The following SLCO3A1 variants were observed in gnomAD, a reference collection of about 807,000 sequenced individuals.
The protein encoded by SLCO3A1 is PGE1 transporter.
SLCO3A1 carries 27 observed loss-of-function variants against 63.1 expected under a neutral mutation model. That is an observed-to-expected ratio of 0.43 (90% CI 0.32 to 0.59). The LOEUF (loss-of-function observed/expected upper bound fraction) is 0.59. Ranked by LOEUF, SLCO3A1 falls within the 20% of genes least tolerant of loss-of-function variation. The probability of loss-of-function intolerance (pLI) is 0.09; values close to 1 mark genes in which losing one functional copy is unlikely to be tolerated. For synonymous variants in SLCO3A1, 473 were observed against 409.9 expected, an observed-to-expected ratio of 1.15 and a Z score of -1.86; for missense variants, 773 against 945.8, an observed-to-expected ratio of 0.82 and a Z score of 2.40.
intron 2 of SLCO3A1, among the ~76,000 whole-genome samples, chr15:91,936,506 C>A (rs1211781670): frequency 6.6e-6 from 1 of 152,192 alleles, no homozygotes; most frequent in Non-Finnish European, 1.5e-5. Context: ...TTATGGATAG[C>A]TCTGGCCTGG....
In SLCO3A1 at chr15:91,900,680, T is replaced by C. The variant is rs890147482; in HGVS notation, c.181-15313T>C. ...CTACTGGGTGGGTAGTGGTATCTCA[T>C]TGTGACATTTTATTTGCATTTCCCT... On this transcript the variant is annotated intron_variant, in intron 1 of 9. Coordinates refer to ENST00000318445, the MANE Select transcript of SLCO3A1 (RefSeq NM_013272.4). This position sits in a 1 kb window ranked among gnomAD's most constrained non-coding sequence, Gnocchi z 4.3. Among the ~76,000 whole-genome samples, 11 of 152,230 alleles carry C rather than the reference T, an allele frequency of 7.2e-5. No individual in the cohort carries two copies. Among genetic ancestry groups the C allele is most frequent in the African/African-American group, 1.2e-4 (5 of 41,456 alleles).
At position 91,854,200 on chromosome 15, in the gene SLCO3A1, C is replaced by G. The variant is rs962187029; in HGVS notation, c.180+112C>G. Reference sequence around the variant, plus strand: ...CGCTGGGGGCAGGCGGGCATGACCTCGGCCCGGCGTGGAGGTTGGCGAGTG... The same window carrying G: ...CGCTGGGGGCAGGCGGGCATGACCTGGGCCCGGCGTGGAGGTTGGCGAGTG... On this transcript the variant is annotated intron_variant, in intron 1 of 9. Transcript: ENST00000318445. This position sits in a 1 kb window ranked among gnomAD's most constrained non-coding sequence, Gnocchi z 6.4. 8.6e-7 allele frequency: 1 copy of G among 1,161,440 alleles called. No homozygotes were observed. Among genetic ancestry groups the G allele is most frequent in the Non-Finnish European group, 1.1e-6 (1 of 907,688 alleles). 71.9% of individuals were successfully genotyped at this position (1,161,440 alleles called of 1,614,324 possible).
At chr15:92,002,004 G>T (rs189658102) in intron 2 of SLCO3A1, among the ~76,000 whole-genome samples, 1 of 151,926 alleles carries the variant, frequency 6.6e-6, no homozygotes, top group Non-Finnish European at 1.5e-5. Context: ...GATCATTAGA[G>T]CCTCCTCTTT....
At chr15:91,965,300 A>G (rs1900616868) in intron 2 of SLCO3A1, among the ~76,000 whole-genome samples, 1 of 152,194 alleles carries the variant, frequency 6.6e-6, no homozygotes, top group East Asian at 1.9e-4. Context: ...CCCCAAAGGA[A>G]ACATTTATCC....
rs1900694986 is a variant in SLCO3A1, at chr15:91,967,295, A to G, written c.646+50837A>G. Among the ~76,000 whole-genome samples the G allele has an allele frequency of 6.6e-6, 1 of 152,222 alleles. No individual in the cohort carries two copies. Among genetic ancestry groups the G allele is most frequent in the Admixed American group, 6.5e-5 (1 of 15,286 alleles). On this transcript the variant is annotated intron_variant, in intron 2 of 9. Coordinates refer to ENST00000318445, the MANE Select transcript of SLCO3A1 (RefSeq NM_013272.4). This position sits in a 1 kb window ranked among gnomAD's most constrained non-coding sequence, Gnocchi z 4.4. ...TTTTAGTTATCAGAGCATGTTGCAG[A>G]GGTATAAGAGGAAGCAGAGAGTACT...
chr15:91,921,890 C>A (rs943789988), intron 2 of SLCO3A1, among the ~76,000 whole-genome samples: 1 of 151,972 alleles, frequency 6.6e-6, no homozygotes, highest in African/African-American at 2.4e-5. Flanking sequence ...CCACCACACC[C>A]GGTTACTTTT....
intron 2 of SLCO3A1, among the ~76,000 whole-genome samples, chr15:92,042,584 G>A (rs991018048): frequency 3.3e-5 from 5 of 152,116 alleles, no homozygotes; most frequent in Non-Finnish European, 5.9e-5. Context: ...ATCCAGCATT[G>A]CCCACGTCCT....
rs1897007617 is a variant in SLCO3A1 at position 91,859,879 on chromosome 15, C to T, written c.180+5791C>T. Among the ~76,000 whole-genome samples, 1 of 152,152 alleles carries T rather than the reference C, an allele frequency of 6.6e-6. No homozygotes were observed. The highest frequency in any genetic ancestry group is 2.1e-4 in the South Asian group (1 of 4,832). ...GAGAAATAAAATTATTTCAATTAAA[C>T]TTTAGTTTTGGTTTAGTGAATTGCA... On this transcript the variant is annotated intron_variant, in intron 1 of 9. Coordinates refer to ENST00000318445, the MANE Select transcript of SLCO3A1 (RefSeq NM_013272.4). The surrounding 1 kb of genome is among the most constrained non-coding windows in gnomAD (Gnocchi z 5.1).
chr15:91,963,404 AGGGTGGGGGG>A (rs1456341427), intron 2 of SLCO3A1, among the ~76,000 whole-genome samples: 1 of 3,154 alleles, frequency 3.2e-4, no homozygotes, highest in Non-Finnish European at 6.5e-4. Context: ...TAACTCGGGG[AGGGTGGGGGG>A]GGGGGGCGGC....
At chr15:91,896,682 G>A (rs1898012590) in intron 1 of SLCO3A1, among the ~76,000 whole-genome samples, 1 of 152,216 alleles carries the variant, frequency 6.6e-6, no homozygotes, top group African/African-American at 2.4e-5. Flanking sequence ...GGCCTCCCCA[G>A]CCATGTGGAA....
At chr15:92,023,159 G>A (rs2046531116) in intron 2 of SLCO3A1, among the ~76,000 whole-genome samples, 1 of 152,316 alleles carries the variant, frequency 6.6e-6, no homozygotes, top group South Asian at 2.1e-4. Context: ...TTGGCACTAA[G>A]TACGCTAAAG....
chr15:91,899,101 G>T (rs991060707), intron 1 of SLCO3A1, among the ~76,000 whole-genome samples: 1 of 152,194 alleles, frequency 6.6e-6, no homozygotes, highest in African/African-American at 2.4e-5. Context: ...GAATCTCCCA[G>T]AGGGTTTCAA....
At chr15:91,879,109 C>T (rs1423718425) in intron 1 of SLCO3A1, among the ~76,000 whole-genome samples, 2 of 152,166 alleles carry the variant, frequency 1.3e-5, no homozygotes, top group East Asian at 1.9e-4. Flanking sequence ...AGGGTAAGCA[C>T]GCTGAATTCG....
chr15:91,953,823 C>A (rs374474902), intron 2 of SLCO3A1, among the ~76,000 whole-genome samples: 3 of 152,108 alleles, frequency 2.0e-5, no homozygotes, highest in Admixed American at 6.5e-5. Context: ...GCTCCTGTAT[C>A]CGAACACCCG....
chr15:91,959,018 C>A (rs1900338519), intron 2 of SLCO3A1, among the ~76,000 whole-genome samples: 1 of 152,194 alleles, frequency 6.6e-6, no homozygotes, highest in Non-Finnish European at 1.5e-5. Context: ...TGGAACCAAC[C>A]TAACTGCCCC....
At position 91,860,819 on chromosome 15, in the gene SLCO3A1, A is replaced by G. The variant is rs973511941; in HGVS notation, c.180+6731A>G. ...CACCTCGTGTTCTCTTGCAGTATTAAGTGGACTCTGGCAAGCAGGTCTGTG... is the reference window on the plus strand; with the variant it reads ...CACCTCGTGTTCTCTTGCAGTATTAGGTGGACTCTGGCAAGCAGGTCTGTG... On this transcript the variant is annotated intron_variant, in intron 1 of 9. Transcript: ENST00000318445. This position sits in a 1 kb window ranked among gnomAD's most constrained non-coding sequence, Gnocchi z 5.5. Among the ~76,000 whole-genome samples, 2 of 152,058 alleles carry G rather than the reference A, an allele frequency of 1.3e-5. No individual in the cohort carries two copies. Among genetic ancestry groups the G allele is most frequent in the African/African-American group, 4.8e-5 (2 of 41,414 alleles).
At chr15:92,078,522 C>G (rs1237698043) in intron 2 of SLCO3A1, among the ~76,000 whole-genome samples, 1 of 152,226 alleles carries the variant, frequency 6.6e-6, no homozygotes, top group African/African-American at 2.4e-5. Flanking sequence ...ACTGACTCTT[C>G]TTGTTTGCAA....
intron 2 of SLCO3A1, among the ~76,000 whole-genome samples, chr15:91,925,614 G>A (rs1898986586): frequency 6.6e-6 from 1 of 152,048 alleles, no homozygotes; most frequent in African/African-American, 2.4e-5. Flanking sequence ...TACAGTGACA[G>A]GCCCCAGAAG....
At chr15:91,976,803 G>C (rs1010492148) in intron 2 of SLCO3A1, among the ~76,000 whole-genome samples, 2 of 152,138 alleles carry the variant, frequency 1.3e-5, no homozygotes, top group African/African-American at 4.8e-5. Flanking sequence ...TTTCAAAAGG[G>C]GAGGGAGTGT....
Sources: gnomAD v4.1 joint callset for allele counts (sites outside exome capture counted in the v4.1 genomes callset) on GRCh38, gnomAD v4.1.1 for gene constraint, Gnocchi (gnomAD v3.1) non-coding constraint, MANE v1.5 for transcripts, NCBI Gene and HGNC (gene_info 2026-07-23, HGNC 2026-07-21) for gene names.